Variants in KIAA1671 observed in about 807,000 individuals in gnomAD.
KIAA1671 encodes the protein KIAA1671, also known as uncharacterized protein KIAA1671.
KIAA1671 carries 52 observed loss-of-function variants against 131.2 expected under a neutral mutation model. That is an observed-to-expected ratio of 0.40 (90% CI 0.32 to 0.50). The LOEUF is 0.50. Among genes scored for constraint, KIAA1671 ranks in the 20% least tolerant of loss-of-function variants. KIAA1671 has a pLI of 0.73. For missense variants in KIAA1671, 2,360 were observed against 2,364.2 expected (o/e 1.00, Z 0.04); for synonymous variants, 1,003 against 961.6 (o/e 1.04, Z -0.80).
intron 6 of KIAA1671, among the ~76,000 whole-genome samples, chr22:25,168,302 C>T (rs912317732): frequency 1.2e-4 from 19 of 152,352 alleles, no homozygotes; most frequent in African/African-American, 3.1e-4. Context: ...TGACCTCCCA[C>T]GCCCAGTTCC....
chr22:25,107,040 T>C (rs1025896185), intron 6 of KIAA1671, among the ~76,000 whole-genome samples: 2 of 152,204 alleles, frequency 1.3e-5, no homozygotes, highest in Non-Finnish European at 2.9e-5. Context: ...CCTTTTGTTA[T>C]GAAAATGTTC....
At chr22:25,125,981 C>T (rs1230013737) in intron 6 of KIAA1671, among the ~76,000 whole-genome samples, 3 of 152,312 alleles carry the variant, frequency 2.0e-5, no homozygotes, top group East Asian at 3.9e-4. Flanking sequence ...TACAAAGTGG[C>T]GCAAACAATA....
intron 1 of KIAA1671, among the ~76,000 whole-genome samples, chr22:24,982,377 G>A (rs947085530): frequency 2.0e-5 from 3 of 152,248 alleles, no homozygotes; most frequent in Non-Finnish European, 4.4e-5. Flanking sequence ...AAGTGTCGCG[G>A]AAGTGTTAAA....
Position 25,040,134 on chromosome 22 carries a change from G to T in KIAA1671, c.3004G>T (p.Val1002Leu). Residue 1002 changes from valine (V) to leucine (L), a missense_variant, in exon 5 of 13, where the codon GTG (valine) becomes TTG (leucine). Coordinates refer to ENST00000358431, the MANE Select transcript of KIAA1671 (RefSeq NM_001145206.2). ...CCACTACAGGGTGGAGACCCAGGAG[G>T]TGAACCCAGGTGCTTCACGGGACCA... Reference protein sequence around the residue: ...LSHYRVETQEVNPGASRDQTS... With the variant: ...LSHYRVETQELNPGASRDQTS... 6.4e-7 allele frequency: 1 copy of T among 1,551,710 alleles called. No individual in the cohort carries two copies. Among genetic ancestry groups the T allele is most frequent in the Non-Finnish European group, 8.7e-7 (1 of 1,147,002 alleles).
intron 6 of KIAA1671, among the ~76,000 whole-genome samples, chr22:25,086,894 A>G (rs1032172041): frequency 9.9e-5 from 15 of 152,182 alleles, no homozygotes; most frequent in African/African-American, 3.6e-4. Context: ...TGCACCAGGC[A>G]AGTAAAGCCG....
chr22:25,004,673 G>A (rs1006414346), intron 1 of KIAA1671, among the ~76,000 whole-genome samples: 3 of 152,108 alleles, frequency 2.0e-5, no homozygotes, highest in Admixed American at 6.6e-5. Context: ...GAGGCTGGGC[G>A]CGGTGACTCA....
intron 5 of KIAA1671, among the ~76,000 whole-genome samples, chr22:25,044,196 C>A (rs1927099988): frequency 6.6e-6 from 1 of 152,214 alleles, no homozygotes; most frequent in Admixed American, 6.5e-5. Flanking sequence ...AGCCTCTTGG[C>A]CTCTCCTGGC....
intron 6 of KIAA1671, among the ~76,000 whole-genome samples, chr22:25,066,667 C>T (rs5760825): frequency 0.29 from 43,570 of 152,166 alleles, 6,582 homozygotes; most frequent in South Asian, 0.37. Context: ...AGACCATTTC[C>T]AAATATGGTC....
chr22:24,990,002 T>C (rs897646718), intron 1 of KIAA1671, among the ~76,000 whole-genome samples: 1 of 152,126 alleles, frequency 6.6e-6, no homozygotes, highest in African/African-American at 2.4e-5. Flanking sequence ...GATAGAACAT[T>C]ATGAGCACCA....
chr22:25,172,988 C>T (rs1357921278), intron 7 of KIAA1671, among the ~76,000 whole-genome samples: 1 of 152,158 alleles, frequency 6.6e-6, no homozygotes, highest in Non-Finnish European at 1.5e-5. Flanking sequence ...CTACCTGAGA[C>T]TGGGTAATTT....
chr22:25,126,535 G>A (rs541767267), intron 6 of KIAA1671, among the ~76,000 whole-genome samples: 1 of 152,220 alleles, frequency 6.6e-6, no homozygotes, highest in Non-Finnish European at 1.5e-5. Flanking sequence ...TGAGCCCTAG[G>A]TGCCCATGTA....
At chr22:25,189,935 T>A (rs1287707466) in intron 11 of KIAA1671, among the ~76,000 whole-genome samples, 1 of 152,132 alleles carries the variant, frequency 6.6e-6, no homozygotes, top group African/African-American at 2.4e-5. Flanking sequence ...ATAACTGCAG[T>A]TTATCTCATA....
intron 6 of KIAA1671, among the ~76,000 whole-genome samples, chr22:25,066,643 C>G (rs994882410): frequency 1.3e-5 from 2 of 152,184 alleles, no homozygotes; most frequent in African/African-American, 2.4e-5. Flanking sequence ...GACCCTTAAC[C>G]TCGACATCTG....
intron 1 of KIAA1671, chr22:25,023,393 T>C (rs1284492345): frequency 1.3e-5 from 2 of 151,864 alleles, no homozygotes; most frequent in Non-Finnish European, 2.9e-5. Flanking sequence ...ATAAAATAAA[T>C]AAAAAATAGT....
intron 4 of KIAA1671, among the ~76,000 whole-genome samples, chr22:25,033,113 T>C (rs1386530767): frequency 6.6e-6 from 1 of 152,126 alleles, no homozygotes; most frequent in African/African-American, 2.4e-5. Context: ...CTGGGCACAG[T>C]GGCTCACATT....
At chr22:25,044,237 T>G (rs1215692968) in intron 5 of KIAA1671, among the ~76,000 whole-genome samples, 2 of 152,228 alleles carry the variant, frequency 1.3e-5, no homozygotes, top group African/African-American at 4.8e-5. Flanking sequence ...TAACAGGGAT[T>G]CCTGCCCCAA....
chr22:24,962,588 A>G lies in KIAA1671; in HGVS notation c.-208+9816A>G, dbSNP rs117998607. ...TTTTCTCATCTGTAAGCTGGGAGTA[A>G]TAAGAGAGCTGGCCTCATGAGGTTG... On this transcript the variant is annotated intron_variant, in intron 1 of 12. Coordinates refer to ENST00000358431, the MANE Select transcript of KIAA1671 (RefSeq NM_001145206.2). 1.5e-3 allele frequency among the ~76,000 whole-genome samples: 228 copies of G among 152,292 alleles called. 3 individuals are homozygous for G. Among genetic ancestry groups the G allele is most frequent in the East Asian group, 9.1e-3 (47 of 5,190 alleles).
intron 1 of KIAA1671, among the ~76,000 whole-genome samples, chr22:24,986,495 A>C (rs569899627): frequency 3.3e-5 from 5 of 152,008 alleles, no homozygotes; most frequent in African/African-American, 1.2e-4. Flanking sequence ...AGAAAAAAAA[A>C]CTCTGTACCT....
intron 6 of KIAA1671, among the ~76,000 whole-genome samples, chr22:25,104,515 C>T (rs1036479091): frequency 1.3e-5 from 2 of 152,166 alleles, no homozygotes; most frequent in Non-Finnish European, 2.9e-5. Context: ...GCCCCGACTT[C>T]CTGGCCTTTG....
Sources: allele counts gnomAD v4.1 joint callset (sites outside exome capture counted in the v4.1 genomes callset), GRCh38; gene constraint gnomAD v4.1.1; transcripts MANE v1.5; gene names NCBI Gene and HGNC (gene_info 2026-07-23, HGNC 2026-07-21).